The following SLC24A2 variants were observed in gnomAD, a reference collection of about 807,000 sequenced individuals.
SLC24A2 encodes the protein sodium/potassium/calcium exchanger 2.
In SLC24A2, 36 loss-of-function variants were observed where a neutral mutation model predicts 62.0. The observed-to-expected ratio is 0.58, with a 90% confidence interval of 0.44 to 0.77. SLC24A2 has a LOEUF of 0.77. SLC24A2 is among the 30% of genes least tolerant of loss of function. SLC24A2 has a pLI of 0.00. For synonymous variants in SLC24A2, 358 were observed against 294.0 expected (o/e 1.22, Z -2.23); for missense variants, 846 against 817.9 (o/e 1.03, Z -0.42).
intron 2 of SLC24A2, among the ~76,000 whole-genome samples, chr9:19,640,524 G>A (rs1818465579): frequency 1.3e-5 from 2 of 152,218 alleles, no homozygotes; most frequent in South Asian, 2.1e-4. Context: ...GGACAAGGAT[G>A]AGATGAATGT....
chr9:20,202,279 T>A, the SLC24A2 span, among the ~76,000 whole-genome samples: 2 of 152,240 alleles, frequency 1.3e-5, no homozygotes, highest in Non-Finnish European at 2.9e-5. Context: ...ACTGCTTGTT[T>A]GGCATTTCTT....
At chr9:19,665,024 C>G (rs1819208529) in intron 2 of SLC24A2, among the ~76,000 whole-genome samples, 1 of 152,152 alleles carries the variant, frequency 6.6e-6, no homozygotes, top group African/African-American at 2.4e-5. Context: ...TTTGCTGATT[C>G]TAAGGATACC....
At chr9:19,962,733 G>A in the SLC24A2 span, among the ~76,000 whole-genome samples, 95 of 152,328 alleles carry the variant, frequency 6.2e-4, 1 homozygote, top group East Asian at 1.9e-4. Flanking sequence ...TGCTGAAGCT[G>A]CTTATCAGCT....
At chr9:19,777,519 G>C (rs1267428169) in intron 2 of SLC24A2, among the ~76,000 whole-genome samples, 1 of 152,064 alleles carries the variant, frequency 6.6e-6, no homozygotes, top group Non-Finnish European at 1.5e-5. Context: ...CATGAAAATG[G>C]CTTTCTATAT....
chr9:20,204,888 C>G, the SLC24A2 span, among the ~76,000 whole-genome samples: 1 of 151,704 alleles, frequency 6.6e-6, no homozygotes, highest in African/African-American at 2.4e-5. Context: ...GGACTACAGG[C>G]GCGCACCACC....
intron 2 of SLC24A2, among the ~76,000 whole-genome samples, chr9:19,747,427 A>T (rs1481446193): frequency 6.6e-6 from 1 of 152,192 alleles, no homozygotes; most frequent in African/African-American, 2.4e-5. Context: ...GTCCTTATAC[A>T]TATACTTAAT....
At chr9:19,832,670 C>A in the SLC24A2 span, among the ~76,000 whole-genome samples, 1 of 152,198 alleles carries the variant, frequency 6.6e-6, no homozygotes, top group African/African-American at 2.4e-5. Flanking sequence ...CCATTCAGGT[C>A]ATAGGCATGG....
intron 8 of SLC24A2, among the ~76,000 whole-genome samples, chr9:19,548,960 C>G (rs1337397613): frequency 6.6e-6 from 1 of 152,170 alleles, no homozygotes. Flanking sequence ...TGGTCCTATA[C>G]TAAGAAGTAG....
At chr9:19,989,292 A>T in the SLC24A2 span, among the ~76,000 whole-genome samples, 1 of 152,082 alleles carries the variant, frequency 6.6e-6, no homozygotes, top group South Asian at 2.1e-4. Context: ...TAGTCTCTAT[A>T]AGCTTCATTT....
At chr9:19,519,766 A>T (rs1283778832) in intron 10 of SLC24A2, among the ~76,000 whole-genome samples, 2 of 152,198 alleles carry the variant, frequency 1.3e-5, no homozygotes, top group South Asian at 2.1e-4. Flanking sequence ...ATCAGGATTT[A>T]AGTTGTCACT....
rs1048828448 is a variant in SLC24A2, at chr9:19,514,408, A to G, written c.*1745T>C. 6.6e-6 allele frequency: 1 copy of G among 152,234 alleles called. No homozygotes were observed. The highest frequency in any genetic ancestry group is 2.4e-5 in the African/African-American group (1 of 41,464). 9.4% of individuals were successfully genotyped at this position (152,234 alleles called of 1,614,324 possible). On this transcript the variant is annotated 3_prime_UTR_variant, in exon 11 of 11. Transcript: ENST00000341998. ...TTAGACGTAGGATGGGTACAGAATAATGAACCATCCTTGATTCAATTTTTC... is the reference window on the plus strand; with the variant it reads ...TTAGACGTAGGATGGGTACAGAATAGTGAACCATCCTTGATTCAATTTTTC...
the SLC24A2 span, among the ~76,000 whole-genome samples, chr9:20,231,656 G>C: frequency 1.3e-5 from 2 of 152,096 alleles, no homozygotes; most frequent in African/African-American, 4.8e-5. Context: ...GGGTTTTCTA[G>C]ATATAAAATC....
At chr9:20,264,312 T>C in the SLC24A2 span, among the ~76,000 whole-genome samples, 1 of 152,220 alleles carries the variant, frequency 6.6e-6, no homozygotes, top group Non-Finnish European at 1.5e-5. Context: ...GTAAAGTACT[T>C]GGAACAAAGT....
chr9:19,923,365 T>C, the SLC24A2 span, among the ~76,000 whole-genome samples: 2 of 152,214 alleles, frequency 1.3e-5, no homozygotes, highest in South Asian at 2.1e-4. Flanking sequence ...AAAGTCTTCA[T>C]TGAATTGATA....
chr9:20,092,643 G>C, the SLC24A2 span, among the ~76,000 whole-genome samples: 1 of 152,158 alleles, frequency 6.6e-6, no homozygotes, highest in African/African-American at 2.4e-5. Flanking sequence ...ACAATGTGAT[G>C]ATTTGATATA....
chr9:19,788,331 A>G (rs568218977), intron 1 of SLC24A2, among the ~76,000 whole-genome samples: 7 of 152,294 alleles, frequency 4.6e-5, no homozygotes, highest in South Asian at 2.1e-4. Flanking sequence ...GGCGACCAGC[A>G]GGGACAGATT....
At chr9:20,151,969 T>C in the SLC24A2 span, among the ~76,000 whole-genome samples, 1 of 151,898 alleles carries the variant, frequency 6.6e-6, no homozygotes, top group Admixed American at 6.6e-5. Context: ...CTTATATTAG[T>C]GAAAATTGTA....
the SLC24A2 span, among the ~76,000 whole-genome samples, chr9:19,796,190 G>A: frequency 6.6e-6 from 1 of 151,482 alleles, no homozygotes; most frequent in South Asian, 2.1e-4. Context: ...GTTAATGGGT[G>A]CAGCACACCA....
the SLC24A2 span, among the ~76,000 whole-genome samples, chr9:20,220,782 C>G: frequency 6.6e-6 from 1 of 152,232 alleles, no homozygotes; most frequent in East Asian, 1.9e-4. Flanking sequence ...TGATTCTCTA[C>G]AGTTCTTCTT....
Sources: gnomAD v4.1 joint callset for allele counts (sites outside exome capture counted in the v4.1 genomes callset) on GRCh38, gnomAD v4.1.1 for gene constraint, MANE v1.5 for transcripts, NCBI Gene and HGNC (gene_info 2026-07-23, HGNC 2026-07-21) for gene names.